YIF1B: variants seen among roughly 807,000 people sequenced by gnomAD.
YIF1B encodes Yip1 interacting factor homolog B, membrane trafficking protein.
In YIF1B, 24 loss-of-function variants were observed where a neutral mutation model predicts 34.6. The ratio of observed to expected loss-of-function variants is 0.69; its 90% CI spans 0.50 to 0.98. The LOEUF is 0.98. YIF1B is among the 50% of genes least tolerant of loss of function. The probability of loss-of-function intolerance (pLI) is 0.00; values close to 1 mark genes in which losing one functional copy is unlikely to be tolerated. For synonymous variants in YIF1B, 186 were observed against 184.8 expected (o/e 1.01, Z -0.05); for missense variants, 368 against 429.4 (o/e 0.86, Z 1.26).
At chr19:38,315,791 G>A (rs1969524696) in intron 1 of YIF1B, 69 bp downstream of exon 1, 4 of 1,550,266 alleles carry the variant, frequency 2.6e-6, no homozygotes, top group African/African-American at 2.8e-5. Flanking sequence ...GACCTGCAGT[G>A]ACCTCGCCAA....
chr19:38,320,544 G>A (rs546612060), upstream of YIF1B, among the ~76,000 whole-genome samples: 3 of 147,842 alleles, frequency 2.0e-5, no homozygotes, highest in Admixed American at 6.7e-5. Flanking sequence ...CCGTTCCTCG[G>A]TCTTTTTTTT....
chr19:38,305,278 A>T lies in YIF1B; in HGVS notation c.*74T>A. 1 of 1,543,608 alleles carries T rather than the reference A, an allele frequency of 6.5e-7. No homozygotes were observed. On this transcript the variant is annotated 3_prime_UTR_variant, in exon 8 of 8. Transcript: ENST00000339413. ...AGACAGGGTGGACCTTGGGGCCTGCAGGCAGGAGATGAGTTCGGCGGCCAC... is the reference window on the plus strand; with the variant it reads ...AGACAGGGTGGACCTTGGGGCCTGCTGGCAGGAGATGAGTTCGGCGGCCAC...
chr19:38,318,818 A>C (rs1259750526), upstream of YIF1B, among the ~76,000 whole-genome samples: 2 of 152,114 alleles, frequency 1.3e-5, no homozygotes, highest in African/African-American at 2.4e-5. Flanking sequence ...CTGCCCTCCA[A>C]AAGGCTGTCA....
intron 1 of YIF1B, among the ~76,000 whole-genome samples, chr19:38,314,695 C>A (rs1258968523): frequency 6.8e-6 from 1 of 146,328 alleles, no homozygotes; most frequent in African/African-American, 2.6e-5. Context: ...CTCAGTGCAA[C>A]CTCTGCCTCC....
At chr19:38,320,372 A>C, upstream of YIF1B, 7 of 1,253,250 alleles carry the variant, frequency 5.6e-6, no homozygotes, top group Non-Finnish European at 7.7e-6. Flanking sequence ...CCTTATCCCA[A>C]TCCCCTCTGG....
At chr19:38,313,598 C>T (rs1285584670) in intron 1 of YIF1B, among the ~76,000 whole-genome samples, 3 of 152,218 alleles carry the variant, frequency 2.0e-5, no homozygotes, top group Admixed American at 1.3e-4. Context: ...CCACGTCATC[C>T]TCTGCCTAAG....
At chr19:38,305,872 AAGACACGCC>A (rs1969001621) in intron 7 of YIF1B, among the ~76,000 whole-genome samples, 1 of 152,256 alleles carries the variant, frequency 6.6e-6, no homozygotes, top group East Asian at 1.9e-4. Context: ...GCAATTTCTG[AAGACACGCC>A]AGAAATGCTA....
intron 1 of YIF1B, among the ~76,000 whole-genome samples, chr19:38,314,035 T>C (rs1466085397): frequency 6.6e-6 from 1 of 152,162 alleles, no homozygotes; most frequent in Admixed American, 6.5e-5. Context: ...TCTCTTTTTT[T>C]TCTTTTCTTG....
At chr19:38,315,812 C>T in intron 1 of YIF1B, 48 bp downstream of exon 1, 4 of 1,502,002 alleles carry the variant, frequency 2.7e-6, no homozygotes, top group Non-Finnish European at 2.7e-6. Context: ...CCGACGCGGC[C>T]GCCCCGCCAC....
At chr19:38,312,929 A>C (rs1379318090) in intron 1 of YIF1B, among the ~76,000 whole-genome samples, 1 of 150,712 alleles carries the variant, frequency 6.6e-6, no homozygotes, top group Non-Finnish European at 1.5e-5. Flanking sequence ...TGCAAGCCCC[A>C]CTTCCCTTTT....
Position 38,309,503 on chromosome 19 carries a change from T to C in YIF1B, c.199A>G (p.Thr67Ala). 1 of 1,612,506 alleles carries C rather than the reference T, an allele frequency of 6.2e-7. No homozygotes were observed. The highest frequency in any genetic ancestry group is 8.5e-7 in the Non-Finnish European group (1 of 1,179,400). ...GGLSYPAASP[T>A]PHAAFLADPV... Reference sequence around the variant, plus strand: ...TCAGCCAGGAAGGCTGCATGGGGCGTGGGAGAGGCTGCAGGATAACTCAGG... The same window carrying C: ...TCAGCCAGGAAGGCTGCATGGGGCGCGGGAGAGGCTGCAGGATAACTCAGG... The change falls in exon 2 of 8, where the codon ACG becomes GCG. Residue 67 changes from threonine to alanine, a missense_variant. Thr to Ala is a moderately conservative substitution (Grantham distance 58, BLOSUM62 0). This residue lies in a region of YIF1B where 153 missense variants were observed against 156.7 expected (regional missense o/e 0.98). Transcript: ENST00000339413.
chr19:38,309,689 A>C (rs940550015), intron 1 of YIF1B, 46 bp from the exon 2 acceptor site: 4 of 1,564,428 alleles, frequency 2.6e-6, no homozygotes, highest in Non-Finnish European at 3.4e-6. Flanking sequence ...CAGGATAGGT[A>C]AGGGAGACCT....
chr19:38,308,922 C>T, intron 4 of YIF1B, 57 bp downstream of exon 4: 3 of 1,613,460 alleles, frequency 1.9e-6, no homozygotes, highest in Non-Finnish European at 2.5e-6. Context: ...ACCCACACAC[C>T]CGCTCCATAT....
Position 38,308,855 on chromosome 19 carries a change from G to A in YIF1B, c.482-6C>T, listed in dbSNP as rs1846315856. The A allele has an allele frequency of 1.9e-6, 3 of 1,613,810 alleles. No individual in the cohort carries two copies. Among genetic ancestry groups the A allele is most frequent in the East Asian group, 2.2e-5 (1 of 44,884 alleles). On this transcript the variant is annotated splice_polypyrimidine_tract_variant and splice_region_variant and intron_variant, in intron 4 of 7. Transcript: ENST00000339413. ...GTAGGTGATGAAAGCCATTGCTGTGGGAGACAGACACACAGACACTGGTCA... is the reference window on the plus strand; with the variant it reads ...GTAGGTGATGAAAGCCATTGCTGTGAGAGACAGACACACAGACACTGGTCA...
At chr19:38,309,886 A>C in intron 1 of YIF1B, 1 of 1,353,042 alleles carries the variant, frequency 7.4e-7, no homozygotes, top group Non-Finnish European at 9.6e-7. Context: ...TCATCTACCC[A>C]CCCATCCATC....
At chr19:38,315,691 G>C (rs11672826) in intron 1 of YIF1B, 169 bp downstream of exon 1, 192,415 of 1,603,382 alleles carry the variant, frequency 0.12, 13,020 homozygotes, top group Middle Eastern at 0.2. Flanking sequence ...ATTTCCTAAA[G>C]AATCGCCCCC....
Position 38,304,737 on chromosome 19 carries a change from G to A in YIF1B, c.*615C>T, listed in dbSNP as rs778667851. 6.2e-7 allele frequency: 1 copy of A among 1,613,004 alleles called. No homozygotes were observed. The highest frequency in any genetic ancestry group is 1.1e-5 in the South Asian group (1 of 91,054). On this transcript the variant is annotated 3_prime_UTR_variant, in exon 8 of 8. Coordinates refer to ENST00000339413, the MANE Select transcript of YIF1B (RefSeq NM_001039672.3). ...AAGCACGTGCCCTGCACCCCAGAGA[G>A]GCGTCCCCGCACTGGGGCTGGCGGG...
upstream of YIF1B, among the ~76,000 whole-genome samples, chr19:38,319,527 G>C (rs564313407): frequency 6.6e-6 from 1 of 152,302 alleles, no homozygotes; most frequent in East Asian, 1.9e-4. Context: ...TCAGCCGCGC[G>C]CCCTGATGCA....
chr19:38,318,914 G>A (rs1445248192), upstream of YIF1B, among the ~76,000 whole-genome samples: 2 of 152,152 alleles, frequency 1.3e-5, no homozygotes, highest in Non-Finnish European at 2.9e-5. Context: ...AAATAGAGGC[G>A]TGTATTTGTG....
Sources: allele counts gnomAD v4.1 joint callset (sites outside exome capture counted in the v4.1 genomes callset), GRCh38; gene constraint gnomAD v4.1.1; regional missense constraint gnomAD v4.1.1; transcripts MANE v1.5; gene names NCBI Gene and HGNC (gene_info 2026-07-23, HGNC 2026-07-21).